Variants in SEMA3D observed in about 807,000 individuals in gnomAD.
SEMA3D encodes the protein semaphorin-3D.
A neutral mutation model predicts 100.1 loss-of-function variants in SEMA3D; 84 were observed. That is an observed-to-expected ratio of 0.84 (90% CI 0.70 to 1.01). SEMA3D has a LOEUF of 1.01. Among genes scored for constraint, SEMA3D ranks in the 50% least tolerant of loss-of-function variants. SEMA3D has a pLI of 0.00. For missense variants in SEMA3D, 875 were observed against 934.1 expected (o/e 0.94, Z 0.82); for synonymous variants, 312 against 320.7 (o/e 0.97, Z 0.29).
At chr7:85,163,407 T>C (rs1233086888) in intron 1 of SEMA3D, among the ~76,000 whole-genome samples, 1 of 151,948 alleles carries the variant, frequency 6.6e-6, no homozygotes, top group Admixed American at 6.6e-5. Flanking sequence ...ATAATCTTAA[T>C]TTCCAAAGTC....
At chr7:85,042,943 A>G (rs2115997315) in intron 9 of SEMA3D, among the ~76,000 whole-genome samples, 1 of 152,268 alleles carries the variant, frequency 6.6e-6, no homozygotes, top group Non-Finnish European at 1.5e-5. Context: ...TGGCTTGTAT[A>G]TTATTTATAG....
At position 84,997,768 on chromosome 7, in the gene SEMA3D, T is replaced by C. The variant is rs192457280; in HGVS notation, c.*1672A>G. Reference sequence around the variant, plus strand: ...GAAACGAGCAATGTCTGTTATTTTCTGAAAAGCTGCCTTCCATGTGAGGAA... The same window carrying C: ...GAAACGAGCAATGTCTGTTATTTTCCGAAAAGCTGCCTTCCATGTGAGGAA... On this transcript the variant is annotated 3_prime_UTR_variant, in exon 19 of 19. Coordinates refer to ENST00000284136, the MANE Select transcript of SEMA3D (RefSeq NM_001384900.1). The C allele has an allele frequency of 6.3e-4, 96 of 152,644 alleles. No homozygotes were observed. The highest frequency in any genetic ancestry group is 2.3e-3 in the African/African-American group (95 of 41,576). 9.5% of individuals were successfully genotyped at this position (152,644 alleles called of 1,614,324 possible). A position where few individuals can be genotyped will look rare whatever the true frequency, so the allele number is the denominator to read the frequency against.
At chr7:85,048,011 C>T (rs1791056267) in intron 9 of SEMA3D, among the ~76,000 whole-genome samples, 1 of 151,620 alleles carries the variant, frequency 6.6e-6, no homozygotes, top group South Asian at 2.1e-4. Context: ...TACTACTCAC[C>T]TTCTTTTGAA....
At chr7:85,160,089 A>T in intron 1 of SEMA3D, 1 of 916,318 alleles carries the variant, frequency 1.1e-6, no homozygotes. Flanking sequence ...TATATATCTC[A>T]ATTCCACTTT....
In SEMA3D at chr7:85,186,696, T is replaced by C. The variant is rs76789921; in HGVS notation, c.-191A>G. The C allele has an allele frequency of 9.3e-3, 1,417 of 152,418 alleles. 10 individuals are homozygous for C. Among genetic ancestry groups the C allele is most frequent in the Non-Finnish European group, 0.016 (1,107 of 68,132 alleles). The allele number at this position is 152,418 out of a possible 1,614,324, so 9.4% of individuals were successfully genotyped here. A position where few individuals can be genotyped will look rare whatever the true frequency, so the allele number is the denominator to read the frequency against. ...GACTTACCTGCTGTGAACTCTTCTCTCCCTCTCTCTTTTCCTGGTGCCTTT... is the reference window on the plus strand; with the variant it reads ...GACTTACCTGCTGTGAACTCTTCTCCCCCTCTCTCTTTTCCTGGTGCCTTT... On this transcript the variant is annotated 5_prime_UTR_variant, in exon 1 of 19. Transcript: ENST00000284136.
chr7:85,006,520 G>A (rs1789799578), intron 18 of SEMA3D, among the ~76,000 whole-genome samples: 2 of 151,756 alleles, frequency 1.3e-5, no homozygotes, highest in Admixed American at 6.6e-5. Flanking sequence ...TCAGGGATTT[G>A]TTCCTAAATA....
chr7:85,028,495 T>C (rs941283758), intron 12 of SEMA3D: 5 of 359,564 alleles, frequency 1.4e-5, no homozygotes, highest in African/African-American at 2.2e-5. Context: ...AGGTGAAATC[T>C]ACAGCCAGAG....
chr7:85,009,575 C>T (rs1253858152), intron 17 of SEMA3D, among the ~76,000 whole-genome samples: 2 of 135,230 alleles, frequency 1.5e-5, no homozygotes, highest in Non-Finnish European at 3.2e-5. Context: ...AGGTGTCAAT[C>T]ACTTTTATTT....
At chr7:85,027,850 G>A in intron 12 of SEMA3D, 1 of 540,726 alleles carries the variant, frequency 1.8e-6, no homozygotes, top group East Asian at 4.8e-5. Flanking sequence ...CCTGCAATTG[G>A]TATTGATCTT....
the SEMA3D span, among the ~76,000 whole-genome samples, chr7:85,243,153 C>T: frequency 6.6e-6 from 1 of 152,162 alleles, no homozygotes; most frequent in African/African-American, 2.4e-5. Flanking sequence ...TCTGATGGAA[C>T]CTCAGCAGGT....
At chr7:85,054,499 C>A (rs1791253104) in intron 9 of SEMA3D, among the ~76,000 whole-genome samples, 1 of 152,002 alleles carries the variant, frequency 6.6e-6, no homozygotes, top group African/African-American at 2.4e-5. Flanking sequence ...AATGAGAATG[C>A]TTTTTAGAGA....
At chr7:85,189,584 T>C (rs1453529092), upstream of SEMA3D, among the ~76,000 whole-genome samples, 1 of 152,230 alleles carries the variant, frequency 6.6e-6, no homozygotes, top group Non-Finnish European at 1.5e-5. Flanking sequence ...TTAATTTCAC[T>C]GAAAGCGATG....
At position 84,998,311 on chromosome 7, in the gene SEMA3D, T is replaced by C. The variant is rs1789559240; in HGVS notation, c.*1129A>G. 1 of 152,176 alleles carries C rather than the reference T, an allele frequency of 6.6e-6. No homozygotes were observed. Among genetic ancestry groups the C allele is most frequent in the Admixed American group, 6.5e-5 (1 of 15,274 alleles). The allele number at this position is 152,176 out of a possible 1,614,324, so 9.4% of individuals were successfully genotyped here. A position where few individuals can be genotyped will look rare whatever the true frequency, so the allele number is the denominator to read the frequency against. Reference sequence around the variant, plus strand: ...AAAAGAAATAATATACAGAGTATGATAAATATTTTTTAAAAGAGAGAAAAT... The same window carrying C: ...AAAAGAAATAATATACAGAGTATGACAAATATTTTTTAAAAGAGAGAAAAT... On this transcript the variant is annotated 3_prime_UTR_variant, in exon 19 of 19. Transcript: ENST00000284136.
At chr7:85,051,294 A>G (rs942629145) in intron 9 of SEMA3D, among the ~76,000 whole-genome samples, 5 of 151,956 alleles carry the variant, frequency 3.3e-5, no homozygotes, top group African/African-American at 4.8e-5. Flanking sequence ...CATCCAGGCA[A>G]AAGTCATTGA....
intron 1 of SEMA3D, among the ~76,000 whole-genome samples, chr7:85,154,187 C>T (rs749793418): frequency 1.3e-5 from 2 of 151,872 alleles, no homozygotes; most frequent in Non-Finnish European, 2.9e-5. Flanking sequence ...ATTTCCTGTG[C>T]CTGCTAAACT....
the SEMA3D span, among the ~76,000 whole-genome samples, chr7:85,244,774 G>A: frequency 2.7e-5 from 4 of 145,592 alleles, no homozygotes; most frequent in East Asian, 2.0e-4. Flanking sequence ...GCAGTGGTGC[G>A]ATCTTGGCTC....
the SEMA3D span, among the ~76,000 whole-genome samples, chr7:85,243,960 G>A: frequency 6.6e-6 from 1 of 152,170 alleles, no homozygotes; most frequent in Non-Finnish European, 1.5e-5. Context: ...ATGTTATGGG[G>A]ATGTGATCAA....
intron 6 of SEMA3D, among the ~76,000 whole-genome samples, chr7:85,070,843 C>G (rs1791751707): frequency 6.6e-6 from 1 of 152,158 alleles, no homozygotes; most frequent in African/African-American, 2.4e-5. Context: ...TGCAGTGGCA[C>G]AAGCTTGGCT....
the SEMA3D span, among the ~76,000 whole-genome samples, chr7:85,234,736 GGAACTAAAAT>G: frequency 6.6e-6 from 1 of 152,158 alleles, no homozygotes; most frequent in Non-Finnish European, 1.5e-5. Flanking sequence ...GTGTGTTAAA[GGAACTAAAAT>G]GATCTTGACA....
Sources: allele counts gnomAD v4.1 joint callset (sites outside exome capture counted in the v4.1 genomes callset), GRCh38; gene constraint gnomAD v4.1.1; transcripts MANE v1.5; gene names NCBI Gene and HGNC (gene_info 2026-07-23, HGNC 2026-07-21).